ACADM: variants seen among roughly 807,000 people sequenced by gnomAD.
ACADM encodes acyl-CoA dehydrogenase medium chain.
A neutral mutation model predicts 58.9 loss-of-function variants in ACADM; 49 were observed. The observed-to-expected ratio is 0.83, with a 90% CI of 0.66 to 1.06. The LOEUF (loss-of-function observed/expected upper bound fraction) is 1.06, where lower values mean the gene tolerates loss of function less well. ACADM is among the 50% of genes least tolerant of loss of function. The probability of loss-of-function intolerance (pLI) is 0.00; values close to 1 mark genes in which losing one functional copy is unlikely to be tolerated. For missense variants in ACADM, 496 were observed against 507.0 expected (o/e 0.98, Z 0.21); for synonymous variants, 160 against 157.7 (o/e 1.01, Z -0.11).
At chr1:75,725,165 A>G (rs1647030202) in intron 1 of ACADM, among the ~76,000 whole-genome samples, 1 of 152,294 alleles carries the variant, frequency 6.6e-6, no homozygotes, top group African/African-American at 2.4e-5. Flanking sequence ...GGGAAAAAGA[A>G]AAATGGAGCA....
chr1:75,731,648 A>G (rs2100359192), intron 2 of ACADM, among the ~76,000 whole-genome samples: 1 of 152,270 alleles, frequency 6.6e-6, no homozygotes, highest in Non-Finnish European at 1.5e-5. Flanking sequence ...TTGCAGCAGG[A>G]TTTTATGTTA....
At chr1:75,754,478 G>A (rs1003283083) in intron 10 of ACADM, among the ~76,000 whole-genome samples, 4 of 152,108 alleles carry the variant, frequency 2.6e-5, no homozygotes, top group African/African-American at 9.7e-5. Context: ...CCAGTGTTGG[G>A]ATTACAGGCG....
chr1:75,751,373 C>T (rs1056716090), intron 10 of ACADM, among the ~76,000 whole-genome samples: 1 of 151,912 alleles, frequency 6.6e-6, no homozygotes, highest in Non-Finnish European at 1.5e-5. Context: ...TTCTGATTCT[C>T]TCAGTAACCC....
chr1:75,746,543 A>G (rs563534930), intron 8 of ACADM, among the ~76,000 whole-genome samples: 1 of 152,258 alleles, frequency 6.6e-6, no homozygotes, highest in South Asian at 2.1e-4. Flanking sequence ...TTTATAAATC[A>G]CAATTTAAAA....
At chr1:75,730,106 G>A (rs971334259) in intron 2 of ACADM, among the ~76,000 whole-genome samples, 1 of 152,042 alleles carries the variant, frequency 6.6e-6, no homozygotes, top group African/African-American at 2.4e-5. Flanking sequence ...TGTTGGCAAC[G>A]CTGGTCTCGA....
chr1:75,745,053 CA>C (rs1207815915), intron 7 of ACADM, among the ~76,000 whole-genome samples: 2 of 152,146 alleles, frequency 1.3e-5, no homozygotes, highest in African/African-American at 4.8e-5. Flanking sequence ...CCTGAAACCT[CA>C]GAAATACCAA....
rs1382154639 is a variant in ACADM, at chr1:75,760,248, G to C, written c.946-874G>C. Among the ~76,000 whole-genome samples the C allele has an allele frequency of 5.0e-5, 6 of 120,182 alleles. No homozygotes were observed. In the Admixed American group the frequency reaches 6.0e-4, roughly 12 times the overall value. 78.8% of individuals were successfully genotyped at this position (120,182 alleles called of 152,430 possible). Reference sequence around the variant, plus strand: ...AGCCTGGCCAACATGGTGAAACCCTGTCTCTACTAAAAATACAAAAAAAAA... The same window carrying C: ...AGCCTGGCCAACATGGTGAAACCCTCTCTCTACTAAAAATACAAAAAAAAA... On this transcript the variant is annotated intron_variant, in intron 10 of 11. Transcript: ENST00000370841.
intron 6 of ACADM, among the ~76,000 whole-genome samples, chr1:75,738,343 C>T (rs766290187): frequency 6.6e-6 from 1 of 152,152 alleles, no homozygotes; most frequent in Non-Finnish European, 1.5e-5. Context: ...TCCTCAGCCT[C>T]CCAAGTAGCT....
chr1:75,751,592 G>C (rs1287007955), intron 10 of ACADM, among the ~76,000 whole-genome samples: 1 of 151,432 alleles, frequency 6.6e-6, no homozygotes, highest in Non-Finnish European at 1.5e-5. Context: ...CCCACCTCCT[G>C]TGTTCAAGTG....
Position 75,752,630 on chromosome 1 carries a change from T to C in ACADM, c.945+2084T>C, listed in dbSNP as rs536644939. Reference sequence around the variant, plus strand: ...CTACTTTTCATTTCCAGAAGTTATATTTGGTTTTTTCCATTATACCTTCTG... The same window carrying C: ...CTACTTTTCATTTCCAGAAGTTATACTTGGTTTTTTCCATTATACCTTCTG... On this transcript the variant is annotated intron_variant, in intron 10 of 11. Coordinates refer to ENST00000370841, the MANE Select transcript of ACADM (RefSeq NM_000016.6). 2.0e-5 allele frequency among the ~76,000 whole-genome samples: 3 copies of C among 152,328 alleles called. No individual in the cohort carries two copies. In the East Asian group the frequency reaches 5.8e-4, roughly 29 times the overall value.
intron 2 of ACADM, among the ~76,000 whole-genome samples, chr1:75,731,143 G>A (rs2100357013): frequency 6.6e-6 from 1 of 151,916 alleles, no homozygotes; most frequent in Middle Eastern, 3.4e-3. Flanking sequence ...GCCGGGCGCG[G>A]TGGCAGGCAC....
intron 2 of ACADM, chr1:75,732,398 G>A (rs541281261): frequency 2.1e-6 from 1 of 486,312 alleles, no homozygotes; most frequent in South Asian, 2.4e-5. Flanking sequence ...GAGCTCTACA[G>A]GTTAATATCT....
At position 75,762,830 on chromosome 1, in the gene ACADM, A is replaced by G; in HGVS notation, c.*67A>G. The G allele has an allele frequency of 9.8e-7, 1 of 1,017,162 alleles. No individual in the cohort carries two copies. 63.0% of individuals were successfully genotyped at this position (1,017,162 alleles called of 1,614,324 possible). A position where few individuals can be genotyped will look rare whatever the true frequency, so the allele number is the denominator to read the frequency against. ...ACTGTTTCAGCTCCAGAAAAAAGAA[A>G]GGGCTTTAACGTTTTTTCCAGTGAA... On this transcript the variant is annotated 3_prime_UTR_variant, in exon 12 of 12. Coordinates refer to ENST00000370841, the MANE Select transcript of ACADM (RefSeq NM_000016.6).
At chr1:75,747,407 G>A (rs1647961139) in intron 8 of ACADM, among the ~76,000 whole-genome samples, 1 of 152,170 alleles carries the variant, frequency 6.6e-6, no homozygotes, top group African/African-American at 2.4e-5. Context: ...ACTTTCTGGT[G>A]AGTGATAGAG....
Position 75,762,718 on chromosome 1 carries a change from A to C in ACADM, c.1221A>C (p.Gln407His). The C allele has an allele frequency of 6.2e-7, 1 of 1,608,310 alleles. No homozygotes were observed. Among genetic ancestry groups the C allele is most frequent in the South Asian group, 1.1e-5 (1 of 90,904 alleles). The change falls in exon 12 of 12, where the codon CAA becomes CAC. Residue 407 changes from glutamine to histidine, a missense_variant. By Grantham distance (24) the Gln-to-His change is conservative. Transcript: ENST00000370841. ...TTTATGAAGGTACTTCACAAATTCA[A>C]AGACTTATTGTAGCCCGTGAACACA... is the stretch of plus-strand genomic sequence containing the variant. ...YQIYEGTSQI[Q>H]RLIVAREHID...
chr1:75,736,738 C>T (rs1570870002), intron 6 of ACADM, among the ~76,000 whole-genome samples: 1 of 152,114 alleles, frequency 6.6e-6, no homozygotes, highest in East Asian at 1.9e-4. Flanking sequence ...AATTTTATAA[C>T]TTTTCTAATT....
In ACADM at chr1:75,733,023, G is replaced by A. The variant is rs749808563; in HGVS notation, c.286+101G>A. ...TTTCAAATATTTCTTGCCATTAAAT[G>A]ACTTTCTACCTTTGTCTTCCTGCTC... is the stretch of plus-strand genomic sequence containing the variant. On this transcript the variant is annotated intron_variant, in intron 4 of 11. Transcript: ENST00000370841. The A allele has an allele frequency of 9.9e-6, 16 of 1,613,298 alleles. No homozygotes were observed. The South Asian group carries it at 1.6e-4, about 17-fold the overall frequency.
chr1:75,731,506 G>T (rs1351568103), intron 2 of ACADM, among the ~76,000 whole-genome samples: 5 of 151,956 alleles, frequency 3.3e-5, no homozygotes, highest in Admixed American at 1.3e-4. Flanking sequence ...AAAACACAAG[G>T]ATACCATGGA....
Position 75,733,619 on chromosome 1 carries a change from T to G in ACADM, c.378T>G (p.Asn126Lys). ...GGGTTCAGACTGCTATTGAAGGAAA[T>G]TCTTTGGGGGTAAGTGACTTAGAAA... ...CTGVQTAIEG[N>K]SLGQMPIIIA... Residue 126 changes from asparagine to lysine, a missense_variant, in exon 5 of 12, where the codon AAT becomes AAG. Coordinates refer to ENST00000370841, the MANE Select transcript of ACADM (RefSeq NM_000016.6). 6.2e-7 allele frequency: 1 copy of G among 1,612,728 alleles called. No individual in the cohort carries two copies. The highest frequency in any genetic ancestry group is 1.3e-5 in the African/African-American group (1 of 74,988).
Sources: allele counts gnomAD v4.1 joint callset (sites outside exome capture counted in the v4.1 genomes callset), GRCh38; gene constraint gnomAD v4.1.1; transcripts MANE v1.5; gene names NCBI Gene and HGNC (gene_info 2026-07-23, HGNC 2026-07-21).